C1R: variants seen among roughly 807,000 people sequenced by gnomAD.
C1R encodes the protein complement C1r subcomponent.
C1R carries 15 observed loss-of-function variants against 27.6 expected under a neutral mutation model. That is an observed-to-expected ratio of 0.54 (90% CI 0.36 to 0.84). The LOEUF is 0.84. Among genes scored for constraint, C1R ranks in the 40% least tolerant of loss-of-function variants. The pLI, the probability that C1R is intolerant of heterozygous loss-of-function variation, is 0.01. For synonymous variants in C1R, 253 were observed against 228.8 expected, an observed-to-expected ratio of 1.11 and a Z score of -0.95; for missense variants, 544 against 577.9, an observed-to-expected ratio of 0.94 and a Z score of 0.60.
Position 7,080,449 on chromosome 12 carries a change from G to A in C1R, c.*83C>T, listed in dbSNP as rs931405063. On this transcript the variant is annotated 3_prime_UTR_variant, in exon 11 of 11. Coordinates refer to ENST00000647956, the MANE Select transcript of C1R (RefSeq NM_001733.7). This position sits in a 1 kb window ranked among gnomAD's most constrained non-coding sequence, Gnocchi z 4.9. ...TCAGTAATTTTAATAGAGACTCTTA[G>A]TGGTTATCAACAACTGGTCAGTTGT... 4 of 1,504,186 alleles carry A rather than the reference G, an allele frequency of 2.7e-6. No homozygotes were observed. The highest frequency in any genetic ancestry group is 4.6e-5 in the Admixed American group (2 of 43,408). 93.2% of individuals were successfully genotyped at this position (1,504,186 alleles called of 1,614,324 possible). A position where few individuals can be genotyped will look rare whatever the true frequency, so the allele number is the denominator to read the frequency against.
chr12:7,083,078 C>A (rs1375165059), intron 9 of C1R, among the ~76,000 whole-genome samples: 1 of 152,106 alleles, frequency 6.6e-6, no homozygotes. Flanking sequence ...TAGAAAAATA[C>A]CCACTAATGA....
Position 7,081,204 on chromosome 12 carries a change from G to A in C1R, c.1446C>T (p.Asn482=). 1 of 1,613,566 alleles carries A rather than the reference G, an allele frequency of 6.2e-7. No individual in the cohort carries two copies. Among genetic ancestry groups the A allele is most frequent in the Non-Finnish European group, 8.5e-7 (1 of 1,179,680 alleles). Residue 482 remains asparagine (N), a synonymous_variant, in exon 11 of 11, where the codon AAC becomes AAT. Coordinates refer to ENST00000647956, the MANE Select transcript of C1R (RefSeq NM_001733.7). ...MGNFPWQVFT[N]IHGRGGGALL... is the part of the protein sequence containing the mutation. ...GGGCCCCGCCCCCGCGCCCGTGGAT[G>A]TTGGTGAACACCTGCCAGGGGAAGT...
In C1R at chr12:7,081,033, C is replaced by G. The variant is rs747831214; in HGVS notation, c.1617G>C (p.Arg539Ser). 2.3e-5 allele frequency: 37 copies of G among 1,613,872 alleles called. No homozygotes were observed. In the East Asian group the frequency reaches 8.2e-4, roughly 36 times the overall value. Residue 539 changes from arginine to serine, a missense_variant, in exon 11 of 11, where the codon AGG (arginine) becomes AGC (serine). Arg to Ser is a moderately radical substitution (Grantham distance 110). Around this residue, in one of 2 missense-constraint regions of C1R, gnomAD observed 253 missense variants for 368.9 expected, o/e 0.69. Transcript: ENST00000647956. ...GACGGTAGTCCGGGTGGACGCTGAC[C>G]CTGCGGATGGGGTGATTTCCTAGCT... Reference protein sequence around the residue: ...LMKLGNHPIRRVSVHPDYRQD... With the variant: ...LMKLGNHPIRSVSVHPDYRQD...
rs1376607822 is a variant in C1R, at chr12:7,088,970, T to C, written c.785A>G (p.Lys262Arg). The change falls in exon 6 of 11, where the codon AAG becomes AGG. Residue 262 changes from lysine (K) to arginine (R), a missense_variant. Transcript: ENST00000647956. ...YDQLQIYANG[K>R]NIGEFCGKQR... Reference sequence around the variant, plus strand: ...CTTCCCACAGAACTCGCCAATGTTCTTCCCGTTGGCATAGATCTAGTAGGG... The same window carrying C: ...CTTCCCACAGAACTCGCCAATGTTCCTCCCGTTGGCATAGATCTAGTAGGG... 1.3e-6 allele frequency: 1 copy of C among 748,156 alleles called. No homozygotes were observed. The highest frequency in any genetic ancestry group is 2.5e-6 in the Non-Finnish European group (1 of 402,342). 46.3% of individuals were successfully genotyped at this position (748,156 alleles called of 1,614,324 possible).
At chr12:7,087,655 C>T (rs967721063) in intron 7 of C1R, 1 of 154,400 alleles carries the variant, frequency 6.5e-6, no homozygotes, top group Admixed American at 6.5e-5. Flanking sequence ...CCTGATGGAG[C>T]TGGAAGCACC....
Position 7,080,699 on chromosome 12 carries a change from G to C in C1R, c.1951C>G (p.Gln651Glu). ...GCAAAAACGCCCCCACTATCCCCCT[G>C]GCAGGCGTCCTGCTTTAGAGATGGG... The part of the protein sequence containing the change: ...GHPSLKQDAC[Q>E]GDSGGVFAVR... Residue 651 changes from glutamine (Q) to glutamate (E), a missense_variant, in exon 11 of 11, where the codon CAG (glutamine) becomes GAG (glutamate). Transcript: ENST00000647956. This position sits in a 1 kb window ranked among gnomAD's most constrained non-coding sequence, Gnocchi z 4.9. 1.2e-6 allele frequency: 2 copies of C among 1,613,914 alleles called. No homozygotes were observed. The highest frequency in any genetic ancestry group is 1.7e-6 in the Non-Finnish European group (2 of 1,179,876).
intron 8 of C1R, among the ~76,000 whole-genome samples, 151 bp from the exon 9 acceptor site, chr12:7,086,167 T>A (rs1938153246): frequency 6.6e-6 from 1 of 151,778 alleles, no homozygotes; most frequent in African/African-American, 2.4e-5. Context: ...AGGAGTTGGG[T>A]GGTATGAAAT....
chr12:7,082,498 A>T (rs2135738648), intron 9 of C1R, among the ~76,000 whole-genome samples: 1 of 151,984 alleles, frequency 6.6e-6, no homozygotes, highest in Admixed American at 6.6e-5. Flanking sequence ...TGCCCGGCTA[A>T]TTTTTTGTAT....
At position 7,083,550 on chromosome 12, in the gene C1R, C is replaced by T. The variant is rs1228467918; in HGVS notation, c.1274-1444G>A. ...ATGGTGGTGGTGATCATGGTAGTGG[C>T]GACAGTGGTGTTGGTAATGGTGATA... On this transcript the variant is annotated intron_variant, in intron 9 of 10. Transcript: ENST00000647956. Among the ~76,000 whole-genome samples the T allele has an allele frequency of 1.5e-3, 166 of 109,764 alleles. 1 individual carries two copies. The highest frequency in any genetic ancestry group is 3.3e-3 in the African/African-American group (96 of 28,796). 72.0% of individuals were successfully genotyped at this position (109,764 alleles called of 152,430 possible).
intron 5 of C1R, 117 bp from the exon 6 acceptor site, chr12:7,089,103 G>A (rs948706741): frequency 1.9e-5 from 12 of 630,810 alleles, no homozygotes; most frequent in Non-Finnish European, 2.9e-5. Flanking sequence ...CCTTATGTGT[G>A]TTTTCAGGGG....
chr12:7,089,380 C>T lies in C1R; in HGVS notation c.681G>A (p.Glu227=), dbSNP rs1450086175. ...ACTTGAGGTGCAGGGTGAGGCCCCG[C>T]TCCACCCGGATGCTGTAGTTGCAGC... The part of the protein sequence containing the change: ...DLRCNYSIRV[E]RGLTLHLKFL... Residue 227 remains glutamate (E), a synonymous_variant, in exon 5 of 11, where the codon GAG becomes GAA. Transcript: ENST00000647956. 2 of 780,526 alleles carry T rather than the reference C, an allele frequency of 2.6e-6. No individual in the cohort carries two copies. Among genetic ancestry groups the T allele is most frequent in the Non-Finnish European group, 4.8e-6 (2 of 417,878 alleles). 48.4% of individuals were successfully genotyped at this position (780,526 alleles called of 1,614,324 possible). A position where few individuals can be genotyped will look rare whatever the true frequency, so the allele number is the denominator to read the frequency against.
Position 7,090,076 on chromosome 12 carries a change from A to T in C1R, c.404T>A (p.Leu135Gln). Residue 135 changes from leucine (L) to glutamine (Q), a missense_variant, in exon 3 of 11, where the codon CTG becomes CAG. Coordinates refer to ENST00000647956, the MANE Select transcript of C1R (RefSeq NM_001733.7). The part of the protein sequence containing the change: ...NGTIMFYKGF[L>Q]AYYQAVDLDE... Reference sequence around the variant, plus strand: ...CTCACCCACAGCTTGGTAGTAGGCCAGGAAGCCCTTGTAGAACATGATGGT... The same window carrying T: ...CTCACCCACAGCTTGGTAGTAGGCCTGGAAGCCCTTGTAGAACATGATGGT... 1 of 776,476 alleles carries T rather than the reference A, an allele frequency of 1.3e-6. No individual in the cohort carries two copies. The highest frequency in any genetic ancestry group is 1.4e-5 in the South Asian group (1 of 73,406). The allele number at this position is 776,476 out of a possible 1,614,324, so 48.1% of individuals were successfully genotyped here.
chr12:7,083,493 CAATGGTGGTGGTGGTGATATTGGTG>C (rs1938103765), intron 9 of C1R, among the ~76,000 whole-genome samples: 4 of 9,696 alleles, frequency 4.1e-4, no homozygotes, highest in Non-Finnish European at 6.0e-4. Flanking sequence ...TTGGTGTTGG[CAATGGTGGTGGTGGTGATATTGGTG>C]TTGGTAATGG....
At position 7,081,067 on chromosome 12, in the gene C1R, T is replaced by G; in HGVS notation, c.1583A>C (p.Glu528Ala). The G allele has an allele frequency of 6.2e-7, 1 of 1,614,034 alleles. No homozygotes were observed. Among genetic ancestry groups the G allele is most frequent in the Non-Finnish European group, 8.5e-7 (1 of 1,179,890 alleles). ...DVFLGHTNVE[E>A]LMKLGNHPIR... Reference sequence around the variant, plus strand: ...GGGGTGATTTCCTAGCTTCATGAGCTCTTCCACATTTGTGTGGCCCAGGAA... The same window carrying G: ...GGGGTGATTTCCTAGCTTCATGAGCGCTTCCACATTTGTGTGGCCCAGGAA... Residue 528 changes from glutamate to alanine, a missense_variant, in exon 11 of 11, where the codon GAG (glutamate) becomes GCG (alanine). Physicochemically the swap from Glu to Ala is moderately radical, Grantham distance 107. Transcript: ENST00000647956.
chr12:7,083,427 TGATGG>T (rs1938101367), intron 9 of C1R, among the ~76,000 whole-genome samples: 1 of 151,970 alleles, frequency 6.6e-6, no homozygotes, highest in Admixed American at 6.6e-5. Context: ...ATGGTAGTGA[TGATGG>T]TGGTGTTTGT....
At chr12:7,090,374 C>T (rs745396741) in intron 2 of C1R, 126 bp from the exon 3 acceptor site, 21 of 614,486 alleles carry the variant, frequency 3.4e-5, no homozygotes, top group Non-Finnish European at 4.7e-5. Context: ...TGGCTGGTCA[C>T]TACCTGCTGG....
chr12:7,080,431 T>A lies in C1R; in HGVS notation c.*101A>T. 1 of 1,474,818 alleles carries A rather than the reference T, an allele frequency of 6.8e-7. No homozygotes were observed. Among genetic ancestry groups the A allele is most frequent in the Non-Finnish European group, 9.0e-7 (1 of 1,114,286 alleles). 91.4% of individuals were successfully genotyped at this position (1,474,818 alleles called of 1,614,324 possible). ...ACACACGGTCTTTCTGCATCAGTAA[T>A]TTTAATAGAGACTCTTAGTGGTTAT... is the stretch of plus-strand genomic sequence containing the variant. On this transcript the variant is annotated 3_prime_UTR_variant, in exon 11 of 11. Coordinates refer to ENST00000647956, the MANE Select transcript of C1R (RefSeq NM_001733.7). The surrounding 1 kb of genome is among the most constrained non-coding windows in gnomAD (Gnocchi z 4.9).
At chr12:7,089,175 G>T in intron 5 of C1R, 118 bp downstream of exon 5, 1 of 668,914 alleles carries the variant, frequency 1.5e-6, no homozygotes, top group Non-Finnish European at 2.7e-6. Flanking sequence ...CAGCCCATGG[G>T]TGATGTTGGC....
Position 7,089,369 on chromosome 12 carries a change from G to A in C1R, c.692C>T (p.Thr231Ile). ...AGGCTCCAGGAACTTGAGGTGCAGGGTGAGGCCCCGCTCCACCCGGATGCT... is the reference window on the plus strand; with the variant it reads ...AGGCTCCAGGAACTTGAGGTGCAGGATGAGGCCCCGCTCCACCCGGATGCT... ...NYSIRVERGL[T>I]LHLKFLEPFD... Residue 231 changes from threonine (T) to isoleucine (I), a missense_variant, in exon 5 of 11, where the codon ACC becomes ATC. Thr to Ile is a moderately conservative substitution (Grantham distance 89). Transcript: ENST00000647956. The A allele has an allele frequency of 1.3e-6, 1 of 780,672 alleles. No homozygotes were observed. The highest frequency in any genetic ancestry group is 1.7e-5 in the African/African-American group (1 of 59,260). 48.4% of individuals were successfully genotyped at this position (780,672 alleles called of 1,614,324 possible). A position where few individuals can be genotyped will look rare whatever the true frequency, so the allele number is the denominator to read the frequency against.
Sources: allele counts gnomAD v4.1 joint callset (sites outside exome capture counted in the v4.1 genomes callset), GRCh38; gene constraint gnomAD v4.1.1; regional missense constraint gnomAD v4.1.1; non-coding constraint Gnocchi (gnomAD v3.1); transcripts MANE v1.5; gene names NCBI Gene and HGNC (gene_info 2026-07-23, HGNC 2026-07-21).